The following CMAS variants were observed in gnomAD, a reference collection of about 807,000 sequenced individuals.
CMAS encodes N-acylneuraminate cytidylyltransferase.
Under a neutral mutation model 53.4 loss-of-function variants are expected in CMAS, and 21 were observed. The ratio of observed to expected loss-of-function variants is 0.39; its 90% confidence interval spans 0.28 to 0.57. The LOEUF (loss-of-function observed/expected upper bound fraction) is 0.57, where lower values mean the gene tolerates loss of function less well. CMAS is among the 20% of genes least tolerant of loss of function. The probability of loss-of-function intolerance (pLI) is 0.56; values close to 1 mark genes in which losing one functional copy is unlikely to be tolerated. For synonymous variants in CMAS, 189 were observed against 195.2 expected, an observed-to-expected ratio of 0.97 and a Z score of 0.27; for missense variants, 384 against 534.9, an observed-to-expected ratio of 0.72 and a Z score of 2.78.
At chr12:22,062,561 A>G (rs1415611290) in intron 7 of CMAS, 127 bp downstream of exon 7, 1 of 926,036 alleles carries the variant, frequency 1.1e-6, no homozygotes, top group East Asian at 2.6e-5. Context: ...CTCTTTTAAC[A>G]AACACTGCTG....
At chr12:22,055,112 T>G (rs1328547808) in intron 1 of CMAS, 37 bp from the exon 2 acceptor site, 4 of 1,528,388 alleles carry the variant, frequency 2.6e-6, no homozygotes, top group Non-Finnish European at 2.6e-6. Flanking sequence ...ATGATTTCTT[T>G]TGATTTGGCT....
chr12:22,055,137 A>C lies in CMAS; in HGVS notation c.261-12A>C, dbSNP rs1196920507. The C allele has an allele frequency of 1.9e-6, 3 of 1,556,132 alleles. No individual in the cohort carries two copies. The highest frequency in any genetic ancestry group is 2.1e-5 in the Admixed American group (1 of 48,360). ...TTGATTTGGCTGTTAATTTCTTTTGATATCTGAACAGTGTATGGGTTTCGA... is the reference window on the plus strand; with the variant it reads ...TTGATTTGGCTGTTAATTTCTTTTGCTATCTGAACAGTGTATGGGTTTCGA... On this transcript the variant is annotated splice_polypyrimidine_tract_variant and intron_variant, in intron 1 of 7. Transcript: ENST00000229329.
At chr12:22,059,432 GT>G (rs1950293418) in intron 4 of CMAS, among the ~76,000 whole-genome samples, 1 of 152,018 alleles carries the variant, frequency 6.6e-6, no homozygotes, top group Non-Finnish European at 1.5e-5. Context: ...TTTCTACCCA[GT>G]TTTACAGAGG....
intron 3 of CMAS, 117 bp downstream of exon 3, chr12:22,055,727 C>G (rs1255005922): frequency 1.2e-5 from 10 of 823,220 alleles, no homozygotes; most frequent in Non-Finnish European, 1.5e-5. Context: ...GAGTATTTGA[C>G]TCATTACTTT....
chr12:22,051,478 T>TGTTATCAGGAATG (rs1244668306), intron 1 of CMAS, among the ~76,000 whole-genome samples: 2 of 152,228 alleles, frequency 1.3e-5, no homozygotes, highest in Non-Finnish European at 2.9e-5. Flanking sequence ...TTGATATTCC[T>TGTTATCAGGAATG]GTTGGTCCTG....
intron 4 of CMAS, 42 bp downstream of exon 4, chr12:22,058,742 T>G: frequency 6.3e-7 from 1 of 1,590,760 alleles, no homozygotes; most frequent in South Asian, 1.1e-5. Flanking sequence ...AGCGCTTTTG[T>G]AGGCATACTT....
At position 22,046,410 on chromosome 12, in the gene CMAS, G is replaced by A; in HGVS notation, c.107G>A (p.Gly36Asp). ...KLQRNSRGGQ[G>D]RGVEKPPHLA... ...CAGCGCAACTCTCGCGGCGGCCAGG[G>A]CCGAGGTGTGGAGAAGCCCCCGCAC... The change falls in exon 1 of 8, where the codon GGC (glycine) becomes GAC (aspartate). Residue 36 changes from glycine to aspartate, a missense_variant. Coordinates refer to ENST00000229329, the MANE Select transcript of CMAS (RefSeq NM_018686.6). The A allele has an allele frequency of 1.3e-6, 2 of 1,597,430 alleles. No homozygotes were observed. Among genetic ancestry groups the A allele is most frequent in the East Asian group, 2.3e-5 (1 of 43,958 alleles).
At chr12:22,053,513 A>G (rs1368498474) in intron 1 of CMAS, among the ~76,000 whole-genome samples, 2 of 126,228 alleles carry the variant, frequency 1.6e-5, no homozygotes, top group Non-Finnish European at 3.4e-5. Context: ...CACACCAAAT[A>G]TATATATATA....
Position 22,065,489 on chromosome 12 carries a change from A to C in CMAS, c.*178A>C. 1.8e-6 allele frequency: 1 copy of C among 546,178 alleles called. No homozygotes were observed. The highest frequency in any genetic ancestry group is 3.2e-6 in the Non-Finnish European group (1 of 308,516). 33.8% of individuals were successfully genotyped at this position (546,178 alleles called of 1,614,324 possible). A position where few individuals can be genotyped will look rare whatever the true frequency, so the allele number is the denominator to read the frequency against. The stretch of plus-strand genomic sequence containing the variant: ...AGATAATTATTTAGAGACTGATTAC[A>C]GTCTTTCTCAGATTTTTAGTAAATG... On this transcript the variant is annotated 3_prime_UTR_variant, in exon 8 of 8. Transcript: ENST00000229329.
Position 22,060,827 on chromosome 12 carries a change from T to TA in CMAS, c.694-5_694-4insA. 6.4e-7 allele frequency: 1 copy of TA among 1,570,586 alleles called. No individual in the cohort carries two copies. The highest frequency in any genetic ancestry group is 8.8e-7 in the Non-Finnish European group (1 of 1,141,610). ...CAGTATTCATGACATTTATACTACC[T>TA]TTAGGGTGGAAAAATGGCATACTAC... is the stretch of plus-strand genomic sequence containing the variant. On this transcript the variant is annotated splice_polypyrimidine_tract_variant and splice_region_variant and intron_variant, in intron 4 of 7. Coordinates refer to ENST00000229329, the MANE Select transcript of CMAS (RefSeq NM_018686.6).
chr12:22,056,106 T>C (rs1950266494), intron 3 of CMAS, among the ~76,000 whole-genome samples: 4 of 152,208 alleles, frequency 2.6e-5, no homozygotes, highest in African/African-American at 9.6e-5. Flanking sequence ...TCCAGAGAAT[T>C]ATTATAAACA....
intron 1 of CMAS, among the ~76,000 whole-genome samples, chr12:22,052,304 T>C (rs923877375): frequency 1.3e-5 from 2 of 152,192 alleles, no homozygotes; most frequent in African/African-American, 2.4e-5. Flanking sequence ...ATTACATCCC[T>C]AGTGTCCAGA....
At position 22,060,654 on chromosome 12, in the gene CMAS, G is replaced by A. The variant is rs558209526; in HGVS notation, c.694-178G>A. ...GGGAGGCAGAGTGAAACCCTGACTC[G>A]AAAAAATAAAAAAGTAAAAATAAAT... is the stretch of plus-strand genomic sequence containing the variant. On this transcript the variant is annotated intron_variant, in intron 4 of 7. Transcript: ENST00000229329. The A allele has an allele frequency of 6.7e-4, 310 of 464,122 alleles. 1 individual carries two copies. Among genetic ancestry groups the A allele is most frequent in the African/African-American group, 4.9e-3 (247 of 50,900 alleles). 28.8% of individuals were successfully genotyped at this position (464,122 alleles called of 1,614,324 possible).
rs931856118 is a variant in CMAS at position 22,060,856 on chromosome 12, A to G, written c.718A>G (p.Met240Val). ...GGGTGGAAAAATGGCATACTACGAA[A>G]TGCGAGCTGAACATAGTGTGGATAT... ...LQGGKMAYYE[M>V]RAEHSVDIDV... is the part of the protein sequence containing the mutation. Residue 240 changes from methionine to valine, a missense_variant, in exon 5 of 8, where the codon ATG becomes GTG. Met to Val is a conservative substitution (Grantham distance 21). Around this residue, in one of 3 missense-constraint regions of CMAS, gnomAD observed 139 missense variants for 248.0 expected, o/e 0.56. Transcript: ENST00000229329. 1 of 1,610,906 alleles carries G rather than the reference A, an allele frequency of 6.2e-7. No individual in the cohort carries two copies. Among genetic ancestry groups the G allele is most frequent in the Non-Finnish European group, 8.5e-7 (1 of 1,177,508 alleles).
intron 3 of CMAS, among the ~76,000 whole-genome samples, chr12:22,057,888 C>T (rs1033737104): frequency 1.3e-5 from 2 of 149,858 alleles, no homozygotes; most frequent in Admixed American, 6.7e-5. Flanking sequence ...AGTACAGTGG[C>T]GCAATCTCGG....
At position 22,055,264 on chromosome 12, in the gene CMAS, A is replaced by G. The variant is rs1451277170; in HGVS notation, c.376A>G (p.Ile126Val). The G allele has an allele frequency of 6.2e-7, 1 of 1,606,866 alleles. No individual in the cohort carries two copies. The highest frequency in any genetic ancestry group is 8.5e-7 in the Non-Finnish European group (1 of 1,175,150). ...AGACAGCTCTACCTCACTAGATGCCATCATAGAATTTCTTAATTATCATAA... is the reference window on the plus strand; with the variant it reads ...AGACAGCTCTACCTCACTAGATGCCGTCATAGAATTTCTTAATTATCATAA... ...SKDSSTSLDA[I>V]IEFLNYHNEV... Residue 126 changes from isoleucine to valine, a missense_variant, in exon 2 of 8, where the codon ATC becomes GTC. By Grantham distance (29) the Ile-to-Val change is conservative. Around this residue, in one of 3 missense-constraint regions of CMAS, gnomAD observed 139 missense variants for 248.0 expected, o/e 0.56. Transcript: ENST00000229329.
At chr12:22,053,953 G>T (rs918891492) in intron 1 of CMAS, among the ~76,000 whole-genome samples, 1 of 148,954 alleles carries the variant, frequency 6.7e-6, no homozygotes, top group Non-Finnish European at 1.5e-5. Context: ...TTGAGACAGG[G>T]TCTCGCTGTG....
At chr12:22,051,781 G>GC (rs2138179089) in intron 1 of CMAS, among the ~76,000 whole-genome samples, 1 of 152,278 alleles carries the variant, frequency 6.6e-6, no homozygotes, top group East Asian at 1.9e-4. Flanking sequence ...CAGAACTTCA[G>GC]TCTACCTTCT....
chr12:22,060,483 C>T (rs1023198491), intron 4 of CMAS, among the ~76,000 whole-genome samples: 1 of 150,992 alleles, frequency 6.6e-6, no homozygotes, highest in African/African-American at 2.4e-5. Flanking sequence ...GATCTTATAT[C>T]TACAAAAAAC....
Sources: allele counts gnomAD v4.1 joint callset (sites outside exome capture counted in the v4.1 genomes callset), GRCh38; gene constraint gnomAD v4.1.1; regional missense constraint gnomAD v4.1.1; transcripts MANE v1.5; gene names NCBI Gene and HGNC (gene_info 2026-07-23, HGNC 2026-07-21).